Variants in SDAD1 observed in about 807,000 individuals in gnomAD.
SDAD1 encodes protein SDA1 homolog.
Under a neutral mutation model 100.3 loss-of-function variants are expected in SDAD1, and 79 were observed. The observed-to-expected ratio is 0.79, with a 90% CI of 0.66 to 0.95. SDAD1 has a LOEUF of 0.95. Ranked by LOEUF, SDAD1 falls within the 40% of genes least tolerant of loss-of-function variation. The pLI is 0.00. For missense variants in SDAD1, 790 were observed against 810.9 expected, an observed-to-expected ratio of 0.97 and a Z score of 0.31; for synonymous variants, 267 against 271.4, an observed-to-expected ratio of 0.98 and a Z score of 0.16.
chr4:75,965,815 G>C lies in SDAD1; in HGVS notation c.1053C>G (p.Thr351=), dbSNP rs1464077878. 1 of 1,613,378 alleles carries C rather than the reference G, an allele frequency of 6.2e-7. No homozygotes were observed. Among genetic ancestry groups the C allele is most frequent in the Non-Finnish European group, 8.5e-7 (1 of 1,179,582 alleles). ...CTTGTGCAGCAAACAGAAGGATCTT[G>C]GTTACTTCTGAAAACATAAGAGAAC... ...RFLQPHQREV[T]KILLFAAQAS... Residue 351 remains threonine (T), a synonymous_variant, in exon 13 of 22, where the codon ACC becomes ACG. Coordinates refer to ENST00000356260, the MANE Select transcript of SDAD1 (RefSeq NM_018115.4).
chr4:75,962,471 C>G (rs1217779398), intron 14 of SDAD1, among the ~76,000 whole-genome samples: 1 of 152,158 alleles, frequency 6.6e-6, no homozygotes, highest in Non-Finnish European at 1.5e-5. Context: ...GAGGAATAGC[C>G]ACACTGTCTT....
In SDAD1 at chr4:75,957,641, C is replaced by T. The variant is rs1408369313; in HGVS notation, c.1646G>A (p.Arg549Gln). The T allele has an allele frequency of 5.6e-6, 9 of 1,614,172 alleles. No individual in the cohort carries two copies. Among genetic ancestry groups the T allele is most frequent in the Admixed American group, 1.7e-5 (1 of 60,018 alleles). Residue 549 changes from arginine (R) to glutamine (Q), a missense_variant, in exon 19 of 22, where the codon CGA (arginine) becomes CAA (glutamine). Physicochemically the swap from Arg to Gln is conservative, Grantham distance 43. Coordinates refer to ENST00000356260, the MANE Select transcript of SDAD1 (RefSeq NM_018115.4). ...KAKAAAISTS[R>Q]VLTQEDFQKI... The stretch of plus-strand genomic sequence containing the variant: ...CTGGAAGTCTTCCTGAGTTAAAACT[C>T]GGCTAGTGCTGATGGCTGCAGCTTT...
intron 21 of SDAD1, 144 bp from the exon 22 acceptor site, chr4:75,950,941 G>C: frequency 5.6e-6 from 3 of 535,748 alleles, no homozygotes; most frequent in South Asian, 3.3e-5. Flanking sequence ...TTCCAAAACA[G>C]ATCACATCTG....
chr4:75,969,376 G>A lies in SDAD1; in HGVS notation c.907C>T (p.Gln303Ter). ...PQDFAEKLLK[Q>*]LECCKERFEV... ...AACCTCTCCTTACAGCACTCAAGCTGCTTTAGTAGTTTTTCCGCAAAATCT... is the reference window on the plus strand; with the variant it reads ...AACCTCTCCTTACAGCACTCAAGCTACTTTAGTAGTTTTTCCGCAAAATCT... The change falls in exon 11 of 22, where the codon CAG becomes TAG. Residue 303 changes from glutamine (Q) to a stop codon, truncating the protein, a stop_gained. Transcript: ENST00000356260. LOFTEE classifies it high-confidence loss of function. 2 of 1,613,410 alleles carry A rather than the reference G, an allele frequency of 1.2e-6. No homozygotes were observed.
At chr4:75,990,478 A>G (rs2149337283) in intron 1 of SDAD1, among the ~76,000 whole-genome samples, 1 of 152,332 alleles carries the variant, frequency 6.6e-6, no homozygotes, top group East Asian at 1.9e-4. Flanking sequence ...GTGCGGACGA[A>G]GAAAAATATC....
chr4:75,961,880 AGGAG>A (rs1729251722), intron 14 of SDAD1, among the ~76,000 whole-genome samples: 1 of 132,592 alleles, frequency 7.5e-6, no homozygotes, highest in African/African-American at 2.6e-5. Context: ...TGGTTTAAAG[AGGAG>A]AGACTTTTTT....
At chr4:75,969,793 GCCATA>G (rs1205163368) in intron 10 of SDAD1, among the ~76,000 whole-genome samples, 1 of 152,060 alleles carries the variant, frequency 6.6e-6, no homozygotes, top group Non-Finnish European at 1.5e-5. Flanking sequence ...AGCAAATCTT[GCCATA>G]CATTAGAGTA....
chr4:75,970,456 G>T, intron 9 of SDAD1, 78 bp from the exon 10 acceptor site: 1 of 1,078,242 alleles, frequency 9.3e-7, no homozygotes, highest in Non-Finnish European at 1.4e-6. Flanking sequence ...TAATAAGGCT[G>T]TTATAAGTCC....
At chr4:75,969,823 G>A (rs1051082080) in intron 10 of SDAD1, among the ~76,000 whole-genome samples, 8 of 152,062 alleles carry the variant, frequency 5.3e-5, no homozygotes, top group East Asian at 1.9e-4. Flanking sequence ...GAGCCCCAAC[G>A]CCCAGCTACA....
At chr4:75,985,016 C>G (rs1015335998) in intron 1 of SDAD1, among the ~76,000 whole-genome samples, 2 of 152,188 alleles carry the variant, frequency 1.3e-5, no homozygotes, top group Non-Finnish European at 1.5e-5. Flanking sequence ...AACCACTTCT[C>G]TCTTGACCCG....
intron 3 of SDAD1, among the ~76,000 whole-genome samples, chr4:75,980,245 A>G (rs1730421213): frequency 6.6e-6 from 1 of 152,188 alleles, no homozygotes; most frequent in Non-Finnish European, 1.5e-5. Flanking sequence ...CAATCAGTTG[A>G]CAACCCAGGG....
intron 12 of SDAD1, among the ~76,000 whole-genome samples, chr4:75,966,479 G>A (rs1050368053): frequency 5.3e-5 from 8 of 152,032 alleles, no homozygotes; most frequent in Non-Finnish European, 7.4e-5. Flanking sequence ...ACAAAATGAC[G>A]TATGTAAGGC....
At chr4:75,984,464 G>A (rs1730748508) in intron 1 of SDAD1, among the ~76,000 whole-genome samples, 1 of 152,056 alleles carries the variant, frequency 6.6e-6, no homozygotes, top group African/African-American at 2.4e-5. Context: ...ATAGCACCTG[G>A]CTCCCCTCTT....
rs1729082837 is a variant in SDAD1 at position 75,959,117 on chromosome 4, A to AAAAAAC, written c.1483+948_1483+949insGTTTTT. Reference sequence around the variant, plus strand: ...TGTCTCAAAAAAAAAAAAAAAAAAAAAAAAAAAAAAACCTAAAAAAAAACT... The same window carrying AAAAAAC: ...TGTCTCAAAAAAAAAAAAAAAAAAAAAAAAACAAAAAAAAAAACCTAAAAAAAAACT... On this transcript the variant is annotated intron_variant, in intron 17 of 21. Transcript: ENST00000356260. Among the ~76,000 whole-genome samples the AAAAAAC allele has an allele frequency of 1.3e-5, 2 of 148,458 alleles. 1 individual carries two copies. Among genetic ancestry groups the AAAAAAC allele is most frequent in the South Asian group, 4.2e-4 (2 of 4,730 alleles).
At position 75,981,937 on chromosome 4, in the gene SDAD1, G is replaced by A. The variant is rs769687478; in HGVS notation, c.191C>T (p.Ala64Val). 101 of 1,598,766 alleles carry A rather than the reference G, an allele frequency of 6.3e-5. 1 individual carries two copies. The South Asian group carries it at 1.1e-3, about 17-fold the overall frequency. ...KELAELVMFM[A>V]QISHCYPEYL... is the part of the protein sequence containing the mutation. The stretch of plus-strand genomic sequence containing the variant: ...TTTAAGCAATTATATTCTTACCTGT[G>A]CCATAAACATCACCAGCTCTGCTAG... The change falls in exon 2 of 22, where the codon GCA becomes GTA. Residue 64 changes from alanine to valine, a missense_variant. Transcript: ENST00000356260.
At chr4:75,958,513 A>T (rs912266886) in intron 17 of SDAD1, among the ~76,000 whole-genome samples, 4 of 152,182 alleles carry the variant, frequency 2.6e-5, no homozygotes, top group African/African-American at 4.8e-5. Flanking sequence ...CCACAGTTTA[A>T]ATTTTCTAAA....
chr4:75,963,555 T>C (rs920467466), intron 14 of SDAD1, among the ~76,000 whole-genome samples: 1 of 152,288 alleles, frequency 6.6e-6, no homozygotes, highest in Middle Eastern at 3.4e-3. Flanking sequence ...GGTATCCTCT[T>C]TTATTTTGTT....
chr4:75,969,509 C>T, intron 10 of SDAD1, 110 bp from the exon 11 acceptor site: 1 of 670,304 alleles, frequency 1.5e-6, no homozygotes, highest in African/African-American at 1.8e-5. Context: ...GACTGACAAA[C>T]AGGTGAATAT....
chr4:75,953,424 G>T (rs1728720557), intron 21 of SDAD1, among the ~76,000 whole-genome samples: 1 of 152,072 alleles, frequency 6.6e-6, no homozygotes, highest in Non-Finnish European at 1.5e-5. Context: ...GTTAGTTAAG[G>T]GCCAGTGAAG....
Sources: gnomAD v4.1 joint callset for allele counts (sites outside exome capture counted in the v4.1 genomes callset) on GRCh38, gnomAD v4.1.1 for gene constraint, MANE v1.5 for transcripts, NCBI Gene and HGNC (gene_info 2026-07-23, HGNC 2026-07-21) for gene names.